The following KLHL13 variants were observed in gnomAD, a reference collection of about 807,000 sequenced individuals.
The protein encoded by KLHL13 is kelch like family member 13.
A neutral mutation model predicts 37.1 loss-of-function variants in KLHL13; 10 were observed. That is an observed-to-expected ratio of 0.27 (90% CI 0.17 to 0.46). The LOEUF (loss-of-function observed/expected upper bound fraction) is 0.46. Ranked by LOEUF, KLHL13 falls within the 20% of genes least tolerant of loss-of-function variation. The probability of loss-of-function intolerance (pLI) is 1.00; values close to 1 mark genes in which losing one functional copy is unlikely to be tolerated. For synonymous variants in KLHL13, 163 were observed against 181.2 expected, an observed-to-expected ratio of 0.90 and a Z score of 0.81; for missense variants, 360 against 509.3, an observed-to-expected ratio of 0.71 and a Z score of 2.82.
intron 1 of KLHL13, among the ~76,000 whole-genome samples, chrX:118,033,203 C>A (rs949909300): frequency 4.5e-5 from 5 of 111,087 alleles, no homozygotes; most frequent in African/African-American, 6.6e-5. Flanking sequence ...CCCAATCTAG[C>A]AAGGCAGGCC....
intron 1 of KLHL13, among the ~76,000 whole-genome samples, chrX:118,052,549 C>T (rs1013440444): frequency 3.8e-5 from 4 of 104,790 alleles, no homozygotes; most frequent in African/African-American, 1.1e-4. Flanking sequence ...TAGTAGAGGC[C>T]GGGCACAGTG....
intron 4 of KLHL13, among the ~76,000 whole-genome samples, chrX:117,919,319 C>T (rs1014215501): frequency 3.6e-5 from 4 of 112,156 alleles, no homozygotes; most frequent in African/African-American, 6.5e-5. Flanking sequence ...CCACGATGCC[C>T]GGCCAACACA....
At chrX:117,961,569 T>C (rs1439395484) in intron 1 of KLHL13, among the ~76,000 whole-genome samples, 1 of 111,634 alleles carries the variant, frequency 9.0e-6, no homozygotes, top group East Asian at 2.8e-4. Context: ...GCGTGTCTTG[T>C]TTTATCCAGG....
At chrX:117,950,120 A>G (rs1933512122) in intron 1 of KLHL13, among the ~76,000 whole-genome samples, 1 of 112,695 alleles carries the variant, frequency 8.9e-6, no homozygotes. Context: ...ATTACCAAAA[A>G]AGGTTAAATC....
intron 5 of KLHL13, among the ~76,000 whole-genome samples, chrX:117,903,276 C>G (rs981692908): frequency 9.0e-6 from 1 of 110,568 alleles, no homozygotes; most frequent in South Asian, 3.9e-4. Context: ...CTTTTCTCCT[C>G]CAAGCACACC....
At chrX:117,926,349 G>C (rs1932016488) in intron 2 of KLHL13, among the ~76,000 whole-genome samples, 1 of 110,933 alleles carries the variant, frequency 9.0e-6, no homozygotes, top group South Asian at 3.8e-4. Context: ...AGGCAGATAG[G>C]ACAGAATATA....
upstream of KLHL13, chrX:117,973,798 C>T (rs2147906995): frequency 2.8e-6 from 2 of 703,811 alleles, no homozygotes; most frequent in African/African-American, 2.5e-5. Flanking sequence ...CCCTTCTCTC[C>T]CCTTTCCCCT....
At chrX:117,965,994 C>A (rs1317436006) in intron 1 of KLHL13, among the ~76,000 whole-genome samples, 2 of 111,215 alleles carry the variant, frequency 1.8e-5, no homozygotes, top group African/African-American at 6.6e-5. Context: ...AAAACTGGCA[C>A]AAGACAGGGA....
At chrX:118,044,706 C>T (rs1368988320) in intron 1 of KLHL13, among the ~76,000 whole-genome samples, 1 of 111,576 alleles carries the variant, frequency 9.0e-6, no homozygotes, top group Non-Finnish European at 1.9e-5. Context: ...GAAAGTAGAC[C>T]CCTATCTCTC....
Position 118,092,663 on chromosome X carries a change from C to G in KLHL13, c.-56+23845G>C, listed in dbSNP as rs751539577. Among the ~76,000 whole-genome samples, 16 of 111,666 alleles carry G rather than the reference C, an allele frequency of 1.4e-4. No homozygotes were observed. In the East Asian group the frequency reaches 4.5e-3, roughly 31 times the overall value. On this transcript the variant is annotated intron_variant, in intron 1 of 6. Coordinates refer to the KLHL13 transcript ENST00000371882. ...TCAATACAACAAATTTTCTTTCCTT[C>G]CCCCTCCTCTTGAGTTCTGTAATTT...
At chrX:117,977,744 G>T (rs968860542), upstream of KLHL13, among the ~76,000 whole-genome samples, 1 of 112,335 alleles carries the variant, frequency 8.9e-6, no homozygotes, top group Non-Finnish European at 1.9e-5. Context: ...ATCAGTAAAA[G>T]TACTTGGATA....
intron 1 of KLHL13, among the ~76,000 whole-genome samples, chrX:118,059,815 G>A (rs1297285054): frequency 9.0e-6 from 1 of 110,767 alleles, no homozygotes; most frequent in Non-Finnish European, 1.9e-5. Flanking sequence ...TCAGGGAAGA[G>A]ACATTATATT....
At chrX:118,040,297 G>C (rs1268979438) in intron 1 of KLHL13, among the ~76,000 whole-genome samples, 1 of 111,756 alleles carries the variant, frequency 8.9e-6, no homozygotes, top group Non-Finnish European at 1.9e-5. Context: ...GAGAGACAGG[G>C]ATATGTCACA....
chrX:118,052,001 GAACA>G (rs780210867), intron 1 of KLHL13, among the ~76,000 whole-genome samples: 3 of 111,143 alleles, frequency 2.7e-5, no homozygotes, highest in African/African-American at 9.8e-5. Flanking sequence ...ACTAGTGTGG[GAACA>G]GACAGAGGAA....
intron 1 of KLHL13, among the ~76,000 whole-genome samples, chrX:118,032,149 C>T (rs1350115019): frequency 9.0e-6 from 1 of 111,383 alleles, no homozygotes; most frequent in African/African-American, 3.3e-5. Flanking sequence ...AACAAGGCGG[C>T]AGCGAGGCTG....
At chrX:118,085,816 T>G (rs2055048474) in intron 1 of KLHL13, among the ~76,000 whole-genome samples, 1 of 104,872 alleles carries the variant, frequency 9.5e-6, no homozygotes, top group South Asian at 4.3e-4. Context: ...TGTGTGTGTG[T>G]GTGTGTGTGT....
At chrX:117,986,339 A>C (rs776327603) in intron 1 of KLHL13, among the ~76,000 whole-genome samples, 7 of 111,841 alleles carry the variant, frequency 6.3e-5, no homozygotes, top group African/African-American at 1.9e-4. Flanking sequence ...AAATTCTTCG[A>C]TATGACTGAA....
At chrX:118,112,149 A>G (rs2055418857) in intron 1 of KLHL13, among the ~76,000 whole-genome samples, 1 of 112,150 alleles carries the variant, frequency 8.9e-6, no homozygotes, top group African/African-American at 3.2e-5. Flanking sequence ...CTCAGAAACC[A>G]CTTCGGAACA....
chrX:117,908,318 C>T (rs947526988), intron 5 of KLHL13, among the ~76,000 whole-genome samples: 8 of 108,323 alleles, frequency 7.4e-5, no homozygotes, highest in African/African-American at 1.0e-4. Flanking sequence ...TAAGTATACA[C>T]GTGCCATGGT....
Sources: gnomAD v4.1 joint callset for allele counts (sites outside exome capture counted in the v4.1 genomes callset) on GRCh38, gnomAD v4.1.1 for gene constraint, MANE v1.5 for transcripts, NCBI Gene and HGNC (gene_info 2026-07-23, HGNC 2026-07-21) for gene names.